The following PTPRD variants were observed in gnomAD, a reference collection of about 807,000 sequenced individuals.
PTPRD encodes the protein protein tyrosine phosphatase receptor type D, also known as receptor-type tyrosine-protein phosphatase delta.
Under a neutral mutation model 214.5 loss-of-function variants are expected in PTPRD, and 34 were observed. That is an observed-to-expected ratio of 0.16 (90% confidence interval 0.12 to 0.21). The LOEUF (loss-of-function observed/expected upper bound fraction) is 0.21, where lower values mean the gene tolerates loss of function less well. Ranked by LOEUF, PTPRD falls within the 10% of genes least tolerant of loss-of-function variation. The pLI is 1.00. For synonymous variants in PTPRD, 1,128 were observed against 845.7 expected (o/e 1.33, Z -5.79); for missense variants, 2,545 against 2,398.7 (o/e 1.06, Z -1.27).
At chr9:10,507,595 A>C (rs987431457) in intron 2 of PTPRD, among the ~76,000 whole-genome samples, 7 of 152,128 alleles carry the variant, frequency 4.6e-5, no homozygotes, top group African/African-American at 1.7e-4. Context: ...TGGTACCAAA[A>C]CAGAGATATA....
intron 3 of PTPRD, among the ~76,000 whole-genome samples, chr9:10,162,307 A>C (rs971338308): frequency 6.6e-6 from 1 of 151,622 alleles, no homozygotes; most frequent in Admixed American, 6.6e-5. Context: ...TTGCCTGTCA[A>C]TGTATGAATG....
intron 9 of PTPRD, among the ~76,000 whole-genome samples, chr9:9,371,482 G>A (rs951530461): frequency 8.6e-5 from 13 of 151,922 alleles, no homozygotes; most frequent in African/African-American, 1.7e-4. Flanking sequence ...TTTTTATTGC[G>A]TCTATTTGAT....
chr9:10,226,707 A>G (rs1411125004), intron 3 of PTPRD, among the ~76,000 whole-genome samples: 1 of 152,006 alleles, frequency 6.6e-6, no homozygotes, highest in African/African-American at 2.4e-5. Context: ...CCATTTTACA[A>G]ATGATAACAT....
chr9:10,439,695 C>T (rs1328878585), intron 2 of PTPRD, among the ~76,000 whole-genome samples: 1 of 151,696 alleles, frequency 6.6e-6, no homozygotes, highest in Non-Finnish European at 1.5e-5. Flanking sequence ...AAGAAAGACA[C>T]AGACTGTTTG....
rs752216376 is a variant in PTPRD, at chr9:8,624,848, G to A, written c.352+8469C>T. 4.7e-4 allele frequency among the ~76,000 whole-genome samples: 72 copies of A among 151,722 alleles called. 1 individual carries two copies. Among genetic ancestry groups the A allele is most frequent in the Non-Finnish European group, 8.4e-4 (57 of 67,804 alleles). The stretch of plus-strand genomic sequence containing the variant: ...TTGTAGTTCTCTTTCCCTTTGCCTC[G>A]ACTTCTTGACTCTCAATCACGCTCT... On this transcript the variant is annotated intron_variant, in intron 14 of 45. Transcript: ENST00000381196.
intron 2 of PTPRD, among the ~76,000 whole-genome samples, chr9:10,526,044 T>A (rs748468296): frequency 1.3e-5 from 2 of 152,114 alleles, no homozygotes; most frequent in African/African-American, 2.4e-5. Context: ...AGTAGACTTA[T>A]CTGACCTAGT....
intron 14 of PTPRD, among the ~76,000 whole-genome samples, chr9:8,530,906 T>A (rs975450376): frequency 3.3e-5 from 5 of 152,120 alleles, no homozygotes; most frequent in African/African-American, 1.2e-4. Context: ...CTGGGCAGGA[T>A]AGAAAGTTTC....
chr9:9,483,012 G>C (rs146725115), intron 8 of PTPRD, among the ~76,000 whole-genome samples: 2 of 152,186 alleles, frequency 1.3e-5, no homozygotes, highest in Admixed American at 1.3e-4. Context: ...CCATCTTAAT[G>C]AAATCATTTT....
intron 3 of PTPRD, among the ~76,000 whole-genome samples, chr9:10,193,482 T>C (rs1431284498): frequency 6.6e-6 from 1 of 152,052 alleles, no homozygotes; most frequent in Non-Finnish European, 1.5e-5. Context: ...AACAGAGTAA[T>C]TGTCAAAAGG....
intron 43 of PTPRD, among the ~76,000 whole-genome samples, chr9:8,334,015 AGC>A (rs1452397386): frequency 6.6e-6 from 1 of 152,216 alleles, no homozygotes; most frequent in Non-Finnish European, 1.5e-5. Flanking sequence ...CCAATACAGG[AGC>A]ACCCAGATTC....
At chr9:9,409,399 C>A (rs1006652038) in intron 8 of PTPRD, among the ~76,000 whole-genome samples, 1 of 151,872 alleles carries the variant, frequency 6.6e-6, no homozygotes, top group Non-Finnish European at 1.5e-5. Flanking sequence ...TTGCTTGGGC[C>A]ACTCCTAGTA....
chr9:8,982,439 C>T (rs2099317707), intron 11 of PTPRD, among the ~76,000 whole-genome samples: 1 of 151,690 alleles, frequency 6.6e-6, no homozygotes, highest in Admixed American at 6.6e-5. Flanking sequence ...GAATGCTTCC[C>T]CAGCAATTCA....
intron 9 of PTPRD, among the ~76,000 whole-genome samples, chr9:9,288,600 A>G (rs1011371598): frequency 2.6e-5 from 4 of 151,928 alleles, no homozygotes; most frequent in African/African-American, 9.7e-5. Context: ...AATTGAATCA[A>G]GGTATCTGTA....
chr9:10,521,867 T>C (rs970369022), intron 2 of PTPRD, among the ~76,000 whole-genome samples: 4 of 152,196 alleles, frequency 2.6e-5, no homozygotes, highest in African/African-American at 9.6e-5. Context: ...AGTTTAGTCA[T>C]AATCATTATA....
intron 9 of PTPRD, among the ~76,000 whole-genome samples, chr9:9,356,103 G>C (rs548253452): frequency 6.6e-6 from 1 of 151,270 alleles, no homozygotes; most frequent in African/African-American, 2.4e-5. Flanking sequence ...GTATAAAGAA[G>C]AATCACAGAA....
intron 12 of PTPRD, among the ~76,000 whole-genome samples, chr9:8,660,993 C>G (rs192532001): frequency 6.6e-6 from 1 of 152,116 alleles, no homozygotes. Flanking sequence ...CTTGCACTCA[C>G]TCTGGCTATG....
At chr9:10,385,102 T>C (rs1030798411) in intron 2 of PTPRD, among the ~76,000 whole-genome samples, 2 of 151,872 alleles carry the variant, frequency 1.3e-5, no homozygotes, top group African/African-American at 4.8e-5. Flanking sequence ...CATTTTTACA[T>C]ATTGTAGTAT....
chr9:8,989,292 T>C (rs1424212310), intron 11 of PTPRD, among the ~76,000 whole-genome samples: 1 of 151,970 alleles, frequency 6.6e-6, no homozygotes, highest in East Asian at 1.9e-4. Flanking sequence ...TACTCTACTA[T>C]TGAATACTAG....
At chr9:10,165,130 G>A (rs542076827) in intron 3 of PTPRD, among the ~76,000 whole-genome samples, 1 of 151,760 alleles carries the variant, frequency 6.6e-6, no homozygotes, top group South Asian at 2.1e-4. Context: ...CAGCAATCTC[G>A]ATGGAATAGC....
Sources: allele counts gnomAD v4.1 joint callset (sites outside exome capture counted in the v4.1 genomes callset), GRCh38; gene constraint gnomAD v4.1.1; transcripts MANE v1.5; gene names NCBI Gene and HGNC (gene_info 2026-07-23, HGNC 2026-07-21).